LPP: variants seen among roughly 807,000 people sequenced by gnomAD.
The protein encoded by LPP is lipoma-preferred partner.
In LPP, 38 loss-of-function variants were observed where a neutral mutation model predicts 60.4. The observed-to-expected ratio is 0.63, with a 90% CI of 0.49 to 0.83. The LOEUF (loss-of-function observed/expected upper bound fraction) is 0.83, where lower values mean the gene tolerates loss of function less well. Among genes scored for constraint, LPP ranks in the 40% least tolerant of loss-of-function variants. The pLI, the probability that LPP is intolerant of heterozygous loss-of-function variation, is 0.00. For missense variants in LPP, 902 were observed against 783.6 expected, an observed-to-expected ratio of 1.15 and a Z score of -1.80; for synonymous variants, 328 against 290.8, an observed-to-expected ratio of 1.13 and a Z score of -1.30.
At chr3:188,549,941 T>A (rs2150502670) in intron 6 of LPP, among the ~76,000 whole-genome samples, 1 of 152,330 alleles carries the variant, frequency 6.6e-6, no homozygotes, top group Non-Finnish European at 1.5e-5. Flanking sequence ...AAAGTCAGTG[T>A]CTACTTTCAT....
chr3:188,792,606 G>GT (rs998056064), intron 9 of LPP, among the ~76,000 whole-genome samples: 3 of 151,740 alleles, frequency 2.0e-5, no homozygotes, highest in South Asian at 2.1e-4. Flanking sequence ...CAGTTTTTTT[G>GT]TTTTTTTGGT....
intron 3 of LPP, among the ~76,000 whole-genome samples, chr3:188,373,538 A>T (rs1033611291): frequency 1.3e-5 from 2 of 151,960 alleles, no homozygotes; most frequent in African/African-American, 4.8e-5. Flanking sequence ...TCCTTCTCCC[A>T]CTTTTTGATG....
At chr3:188,603,465 G>A (rs954972578) in intron 6 of LPP, among the ~76,000 whole-genome samples, 19 of 151,854 alleles carry the variant, frequency 1.3e-4, no homozygotes, top group Admixed American at 5.9e-4. Flanking sequence ...TTGAACCTTC[G>A]ATCTGCCACC....
At chr3:188,618,762 C>T (rs1185547271) in intron 7 of LPP, among the ~76,000 whole-genome samples, 1 of 152,140 alleles carries the variant, frequency 6.6e-6, no homozygotes, top group African/African-American at 2.4e-5. Context: ...TAAGAGGTCC[C>T]TTGTTATTCA....
intron 2 of LPP, among the ~76,000 whole-genome samples, chr3:188,336,104 G>A (rs1761550954): frequency 6.6e-6 from 1 of 152,130 alleles, no homozygotes; most frequent in Non-Finnish European, 1.5e-5. Context: ...GGGCTTTTGA[G>A]GTCCTCCTAT....
intron 4 of LPP, among the ~76,000 whole-genome samples, chr3:188,440,344 T>C (rs1793464760): frequency 6.6e-6 from 1 of 152,206 alleles, no homozygotes; most frequent in African/African-American, 2.4e-5. Flanking sequence ...TTAAGTATTA[T>C]ATTTAAAGTT....
intron 7 of LPP, among the ~76,000 whole-genome samples, chr3:188,693,905 C>T (rs1490389547): frequency 6.6e-6 from 1 of 152,142 alleles, no homozygotes; most frequent in Non-Finnish European, 1.5e-5. Flanking sequence ...TTGAATTAGA[C>T]CTTCCTTCCT....
At chr3:188,369,711 C>G (rs1214326591) in intron 3 of LPP, among the ~76,000 whole-genome samples, 1 of 152,150 alleles carries the variant, frequency 6.6e-6, no homozygotes, top group Non-Finnish European at 1.5e-5. Flanking sequence ...GTACCAATGA[C>G]CAGTGCTGGG....
intron 9 of LPP, among the ~76,000 whole-genome samples, chr3:188,835,269 C>A (rs1340483033): frequency 1.3e-5 from 2 of 148,560 alleles, no homozygotes; most frequent in African/African-American, 5.0e-5. Context: ...ACTACCCTAG[C>A]CAATATGGTG....
At chr3:188,778,957 G>T (rs1738700002) in intron 9 of LPP, among the ~76,000 whole-genome samples, 1 of 152,160 alleles carries the variant, frequency 6.6e-6, no homozygotes. Context: ...ATAAAAGTGT[G>T]TGTGTTTGTG....
chr3:188,852,741 T>A (rs1028242156), intron 9 of LPP, among the ~76,000 whole-genome samples: 2 of 152,184 alleles, frequency 1.3e-5, no homozygotes, highest in Non-Finnish European at 2.9e-5. Flanking sequence ...TGTTCAAAAG[T>A]GACACAGTCA....
chr3:188,225,558 G>A (rs1313416847), intron 2 of LPP, 31 bp downstream of exon 2: 2 of 152,150 alleles, frequency 1.3e-5, no homozygotes, highest in Non-Finnish European at 2.9e-5. Flanking sequence ...GAACACATTT[G>A]CCTTTTAAAA....
intron 1 of LPP, among the ~76,000 whole-genome samples, chr3:188,171,916 C>T (rs1428758269): frequency 6.6e-6 from 1 of 152,180 alleles, no homozygotes; most frequent in Non-Finnish European, 1.5e-5. Context: ...ATGAAAATGT[C>T]AGCAGACAGC....
At chr3:188,549,147 T>TA (rs1360588007) in intron 6 of LPP, among the ~76,000 whole-genome samples, 1 of 152,220 alleles carries the variant, frequency 6.6e-6, no homozygotes, top group Admixed American at 6.5e-5. Flanking sequence ...TAATTATTTT[T>TA]AATTTAAAAA....
At chr3:188,409,349 G>C (rs1784387295) in intron 4 of LPP, among the ~76,000 whole-genome samples, 1 of 152,108 alleles carries the variant, frequency 6.6e-6, no homozygotes, top group Non-Finnish European at 1.5e-5. Context: ...CTTGGGAACA[G>C]TTTATGGACA....
chr3:188,879,409 T>C lies in LPP; in HGVS notation c.*4930T>C, dbSNP rs1769660720. The C allele has an allele frequency of 4.7e-6, 1 of 213,824 alleles. No individual in the cohort carries two copies. Among genetic ancestry groups the C allele is most frequent in the Non-Finnish European group, 9.4e-6 (1 of 105,962 alleles). 13.2% of individuals were successfully genotyped at this position (213,824 alleles called of 1,614,324 possible). A position where few individuals can be genotyped will look rare whatever the true frequency, so the allele number is the denominator to read the frequency against. ...ATGATTATATTCATAAGGGGAAGGC[T>C]ACCAGAAAATATATGTGGCATCCAT... On this transcript the variant is annotated 3_prime_UTR_variant, in exon 12 of 12. Coordinates refer to ENST00000617246, the MANE Select transcript of LPP (RefSeq NM_001375462.1).
In LPP at chr3:188,524,623, G is replaced by A. The variant is rs1410617400; in HGVS notation, c.307-42G>A. The A allele has an allele frequency of 3.8e-6, 6 of 1,574,246 alleles. 1 individual carries two copies. The South Asian group carries it at 6.9e-5, about 18-fold the overall frequency. On this transcript the variant is annotated intron_variant, in intron 5 of 11. Coordinates refer to ENST00000617246, the MANE Select transcript of LPP (RefSeq NM_001375462.1). The stretch of plus-strand genomic sequence containing the variant: ...AAATTTGAACTTATAATGATATCAA[G>A]GGAAATTTCCTTTGTTAACATGTCT...
chr3:188,728,003 A>G (rs1289097872), intron 8 of LPP, among the ~76,000 whole-genome samples: 1 of 152,186 alleles, frequency 6.6e-6, no homozygotes, highest in Non-Finnish European at 1.5e-5. Context: ...TTATAAGATC[A>G]TAGATTGTTA....
At chr3:188,745,012 G>A (rs1391959953) in intron 8 of LPP, among the ~76,000 whole-genome samples, 1 of 151,738 alleles carries the variant, frequency 6.6e-6, no homozygotes, top group African/African-American at 2.4e-5. Context: ...GGGAGAACAG[G>A]GTAAACTGTT....
Sources: gnomAD v4.1 joint callset for allele counts (sites outside exome capture counted in the v4.1 genomes callset) on GRCh38, gnomAD v4.1.1 for gene constraint, MANE v1.5 for transcripts, NCBI Gene and HGNC (gene_info 2026-07-23, HGNC 2026-07-21) for gene names.